PLCL1: variants seen among roughly 807,000 people sequenced by gnomAD.
PLCL1 encodes inactive phospholipase C-like protein 1.
PLCL1 carries 41 observed loss-of-function variants against 84.4 expected under a neutral mutation model. That is an observed-to-expected ratio of 0.49 (90% CI 0.38 to 0.63). PLCL1 has a LOEUF of 0.63. PLCL1 is among the 30% of genes least tolerant of loss of function. PLCL1 has a pLI of 0.00. For missense variants in PLCL1, 1,206 were observed against 1,367.8 expected (o/e 0.88, Z 1.87); for synonymous variants, 490 against 488.3 (o/e 1.00, Z -0.05).
At chr2:197,940,491 C>G (rs1231580565) in intron 1 of PLCL1, among the ~76,000 whole-genome samples, 4 of 152,206 alleles carry the variant, frequency 2.6e-5, no homozygotes, top group Non-Finnish European at 4.4e-5. Context: ...TTGATTTATT[C>G]AGGCCAATTT....
chr2:197,938,554 A>G (rs1317630239), intron 1 of PLCL1, among the ~76,000 whole-genome samples: 1 of 152,168 alleles, frequency 6.6e-6, no homozygotes, highest in East Asian at 1.9e-4. Context: ...GGGTTGTCCT[A>G]CCATCCTCAA....
At position 197,983,854 on chromosome 2, in the gene PLCL1, T is replaced by A. The variant is rs1690167783; in HGVS notation, c.241-99904T>A. Among the ~76,000 whole-genome samples the A allele has an allele frequency of 3.9e-5, 6 of 152,126 alleles. No homozygotes were observed. The South Asian group carries it at 1.2e-3, about 31-fold the overall frequency. On this transcript the variant is annotated intron_variant, in intron 1 of 5. Transcript: ENST00000428675. ...AATGCAATACATAGACCTGCAAAAA[T>A]ACACAAAGGATTACAGAAGGTGAAT...
chr2:198,003,129 A>C (rs1574238527), intron 1 of PLCL1, among the ~76,000 whole-genome samples: 1 of 152,306 alleles, frequency 6.6e-6, no homozygotes, highest in Non-Finnish European at 1.5e-5. Context: ...CAGAATCATA[A>C]GAAATTCATA....
At chr2:197,922,000 T>TTC (rs1491232661) in intron 1 of PLCL1, among the ~76,000 whole-genome samples, 1 of 33,084 alleles carries the variant, frequency 3.0e-5, no homozygotes, top group East Asian at 3.2e-3. Context: ...TGATAAATTC[T>TTC]TTTTTTTTTT....
intron 1 of PLCL1, among the ~76,000 whole-genome samples, chr2:197,982,575 C>T (rs545448818): frequency 5.9e-5 from 9 of 152,272 alleles, no homozygotes; most frequent in Admixed American, 3.3e-4. Flanking sequence ...CAGGATTTTA[C>T]GAATCTCAAA....
chr2:197,925,814 C>G (rs1416647737), intron 1 of PLCL1, among the ~76,000 whole-genome samples: 3 of 151,918 alleles, frequency 2.0e-5, no homozygotes. Context: ...GTCATTAACC[C>G]TTTTTATTTC....
intron 1 of PLCL1, among the ~76,000 whole-genome samples, chr2:197,931,757 T>A (rs1047968444): frequency 7.4e-6 from 1 of 135,608 alleles, no homozygotes; most frequent in Non-Finnish European, 1.5e-5. Context: ...GACAGAGGCC[T>A]TTATTCCCAG....
chr2:197,864,240 G>A (rs536070348), intron 1 of PLCL1, among the ~76,000 whole-genome samples: 1 of 152,070 alleles, frequency 6.6e-6, no homozygotes, highest in East Asian at 1.9e-4. Flanking sequence ...TATATCACAT[G>A]GAAGTTATTT....
intron 1 of PLCL1, among the ~76,000 whole-genome samples, chr2:197,937,264 G>A (rs1184432318): frequency 6.6e-6 from 1 of 152,100 alleles, no homozygotes; most frequent in Non-Finnish European, 1.5e-5. Context: ...TTGGGGTCCT[G>A]TAATATCCTT....
At chr2:197,811,850 T>C (rs1690594477) in intron 1 of PLCL1, among the ~76,000 whole-genome samples, 1 of 152,198 alleles carries the variant, frequency 6.6e-6, no homozygotes, top group Admixed American at 6.5e-5. Flanking sequence ...GGTGTACATG[T>C]GTAAGTTTGT....
At chr2:198,136,266 A>G (rs1694253945) in intron 5 of PLCL1, among the ~76,000 whole-genome samples, 1 of 152,120 alleles carries the variant, frequency 6.6e-6, no homozygotes, top group Admixed American at 6.6e-5. Flanking sequence ...TGTTCTAAAG[A>G]ATTTAGAGGT....
intron 3 of PLCL1, among the ~76,000 whole-genome samples, chr2:198,093,988 A>C (rs1398810641): frequency 6.6e-6 from 1 of 152,210 alleles, no homozygotes; most frequent in East Asian, 1.9e-4. Context: ...CCCACTATTT[A>C]TTAGTCATTA....
intron 1 of PLCL1, among the ~76,000 whole-genome samples, chr2:198,071,426 A>G (rs1330625227): frequency 6.6e-6 from 1 of 151,890 alleles, no homozygotes; most frequent in Non-Finnish European, 1.5e-5. Flanking sequence ...TTATTACATT[A>G]CCTTCCAGAA....
At chr2:198,119,928 A>G (rs1466991332) in intron 5 of PLCL1, among the ~76,000 whole-genome samples, 1 of 151,962 alleles carries the variant, frequency 6.6e-6, no homozygotes, top group African/African-American at 2.4e-5. Flanking sequence ...ACCTTGATCT[A>G]TGTGACACCA....
At chr2:198,040,244 C>T (rs573985251) in intron 1 of PLCL1, among the ~76,000 whole-genome samples, 15 of 152,152 alleles carry the variant, frequency 9.9e-5, no homozygotes, top group African/African-American at 3.1e-4. Flanking sequence ...ATTTTCATCC[C>T]GTGGACATTA....
Position 198,088,903 on chromosome 2 carries a change from G to A in PLCL1, c.2761G>A (p.Ala921Thr). The change falls in exon 3 of 6, where the codon GCC (alanine) becomes ACC (threonine). Residue 921 changes from alanine (A) to threonine (T), a missense_variant. By Grantham distance (58) the Ala-to-Thr change is moderately conservative. Coordinates refer to ENST00000428675, the MANE Select transcript of PLCL1 (RefSeq NM_006226.4). ...IKELCGLPPI[A>T]SLKQCLLTLS... is the part of the protein sequence containing the mutation. ...GGAACTATGTGGACTCCCTCCAATT[G>A]CCAGTCTGAAGCAGTGCCTGTTAAC... 6.2e-7 allele frequency: 1 copy of A among 1,613,120 alleles called. No individual in the cohort carries two copies. Among genetic ancestry groups the A allele is most frequent in the Non-Finnish European group, 8.5e-7 (1 of 1,179,104 alleles).
At chr2:197,961,349 G>A (rs1689618284) in intron 1 of PLCL1, among the ~76,000 whole-genome samples, 1 of 151,340 alleles carries the variant, frequency 6.6e-6, no homozygotes, top group African/African-American at 2.4e-5. Context: ...TTCATTCTTA[G>A]AACATTTTCT....
At chr2:198,000,177 T>A (rs1690568252) in intron 1 of PLCL1, among the ~76,000 whole-genome samples, 2 of 152,146 alleles carry the variant, frequency 1.3e-5, no homozygotes, top group South Asian at 4.1e-4. Flanking sequence ...GGAGGGAGGT[T>A]TCAGTTTTGG....
At chr2:198,018,521 C>CTGGG (rs1176794337) in intron 1 of PLCL1, among the ~76,000 whole-genome samples, 8 of 152,284 alleles carry the variant, frequency 5.3e-5, no homozygotes, top group Non-Finnish European at 1.0e-4. Flanking sequence ...TGAAATTGAC[C>CTGGG]TGGGACACTC....
Sources: gnomAD v4.1 joint callset for allele counts (sites outside exome capture counted in the v4.1 genomes callset) on GRCh38, gnomAD v4.1.1 for gene constraint, MANE v1.5 for transcripts, NCBI Gene and HGNC (gene_info 2026-07-23, HGNC 2026-07-21) for gene names.